Variants in NUP153 observed in about 807,000 individuals in gnomAD.
NUP153 encodes the protein nucleoporin 153, also known as nuclear pore complex protein Nup153.
Under a neutral mutation model 134.6 loss-of-function variants are expected in NUP153, and 27 were observed. The ratio of observed to expected loss-of-function variants is 0.20; its 90% CI spans 0.15 to 0.28. The LOEUF (loss-of-function observed/expected upper bound fraction) is 0.28. Among genes scored for constraint, NUP153 ranks in the 10% least tolerant of loss-of-function variants. NUP153 has a pLI of 1.00. For missense variants in NUP153, 1,821 were observed against 1,731.3 expected (o/e 1.05, Z -0.92); for synonymous variants, 640 against 623.5 (o/e 1.03, Z -0.40).
chr6:17,639,235 G>A (rs1483067210), intron 15 of NUP153, among the ~76,000 whole-genome samples: 3 of 151,830 alleles, frequency 2.0e-5, no homozygotes, highest in Non-Finnish European at 2.9e-5. Flanking sequence ...ATGCCAGGAC[G>A]CCCAGCTAAT....
At position 17,628,217 on chromosome 6, in the gene NUP153, T is replaced by C. The variant is rs207466749; in HGVS notation, c.3544+438A>G. Among the ~76,000 whole-genome samples the C allele has an allele frequency of 2.6e-5, 4 of 152,228 alleles. No individual in the cohort carries two copies. The highest frequency in any genetic ancestry group is 2.4e-5 in the African/African-American group (1 of 41,464). Reference sequence around the variant, plus strand: ...TCTCTTGTTTTCTCAGGATTAATTATATTTGTTGTCTATGTTTCTTAATGT... The same window carrying C: ...TCTCTTGTTTTCTCAGGATTAATTACATTTGTTGTCTATGTTTCTTAATGT... On this transcript the variant is annotated intron_variant, in intron 18 of 21. Transcript: ENST00000262077. The surrounding 1 kb of genome is among the most constrained non-coding windows in gnomAD (Gnocchi z 5.4).
intron 1 of NUP153, among the ~76,000 whole-genome samples, chr6:17,696,477 C>G (rs1204338679): frequency 6.6e-6 from 1 of 152,094 alleles, no homozygotes; most frequent in Non-Finnish European, 1.5e-5. Context: ...AAAACAAGGC[C>G]AGGCACGGTG....
Position 17,668,935 on chromosome 6 carries a change from T to C in NUP153, c.1068+40A>G, listed in dbSNP as rs765968341. On this transcript the variant is annotated intron_variant, in intron 8 of 21. Transcript: ENST00000262077. ...TTGTGAACTTTAAACACAACAAAAT[T>C]GTAGACAGTTTAAATAACTAAATGC... is the stretch of plus-strand genomic sequence containing the variant. 3 of 1,375,378 alleles carry C rather than the reference T, an allele frequency of 2.2e-6. No individual in the cohort carries two copies. In the Admixed American group the frequency reaches 6.5e-5, roughly 30 times the overall value. The allele number at this position is 1,375,378 out of a possible 1,614,324, so 85.2% of individuals were successfully genotyped here.
In NUP153 at chr6:17,680,799, G is replaced by T. The variant is rs1364931751; in HGVS notation, c.335-5029C>A. Among the ~76,000 whole-genome samples the T allele has an allele frequency of 6.6e-6, 1 of 152,196 alleles. No individual in the cohort carries two copies. The highest frequency in any genetic ancestry group is 2.4e-5 in the African/African-American group (1 of 41,444). On this transcript the variant is annotated intron_variant, in intron 2 of 21. Transcript: ENST00000262077. The surrounding 1 kb of genome is among the most constrained non-coding windows in gnomAD (Gnocchi z 4.5). The stretch of plus-strand genomic sequence containing the variant: ...GATGCTGGTGAGGATGTAGAGAAAG[G>T]AGAATCCTTGTACACTGTTGTTGGT...
At chr6:17,683,930 A>G (rs534641570) in intron 2 of NUP153, among the ~76,000 whole-genome samples, 1 of 152,234 alleles carries the variant, frequency 6.6e-6, no homozygotes, top group South Asian at 2.1e-4. Context: ...GGGTCATGGG[A>G]AGTCTTTGGG....
At position 17,624,620 on chromosome 6, in the gene NUP153, G is replaced by C. The variant is rs369260286; in HGVS notation, c.4115C>G (p.Pro1372Arg). ...CTGACTAGGTTGCTGTCCAAACACA[G>C]GGGGCTGGCTACTGCTTGACACTGT... ...FGTVSSSSQPPVFGQQPSQSA... is the reference protein window; with the variant it reads ...FGTVSSSSQPRVFGQQPSQSA... The change falls in exon 20 of 22, where the codon CCT becomes CGT. Residue 1372 changes from proline (P) to arginine (R), a missense_variant. Physicochemically the swap from Pro to Arg is moderately radical, Grantham distance 103. Transcript: ENST00000262077. 4 of 1,614,074 alleles carry C rather than the reference G, an allele frequency of 2.5e-6. No individual in the cohort carries two copies. Among genetic ancestry groups the C allele is most frequent in the Non-Finnish European group, 1.7e-6 (2 of 1,180,036 alleles).
At chr6:17,633,844 C>T (rs1765384377) in intron 16 of NUP153, among the ~76,000 whole-genome samples, 1 of 152,144 alleles carries the variant, frequency 6.6e-6, no homozygotes, top group Non-Finnish European at 1.5e-5. Flanking sequence ...TCCATCTTGC[C>T]AACCAAATTG....
chr6:17,676,125 T>C (rs549769880), intron 2 of NUP153, among the ~76,000 whole-genome samples: 45 of 152,288 alleles, frequency 3.0e-4, no homozygotes, highest in Non-Finnish European at 5.3e-4. Context: ...TCTGAGACCA[T>C]AAAAAATAAG....
At chr6:17,631,201 A>G (rs916856936) in intron 17 of NUP153, among the ~76,000 whole-genome samples, 21 of 152,116 alleles carry the variant, frequency 1.4e-4, no homozygotes, top group Admixed American at 2.6e-4. Context: ...TACACCTACC[A>G]GAGGCAAGTA....
intron 1 of NUP153, among the ~76,000 whole-genome samples, chr6:17,704,291 CAAAA>C (rs377303845): frequency 4.1e-5 from 4 of 96,426 alleles, no homozygotes; most frequent in Admixed American, 1.1e-4. Context: ...GACTCCGTCT[CAAAA>C]AAAAAAAAAA....
intron 17 of NUP153, among the ~76,000 whole-genome samples, chr6:17,630,161 T>G (rs1253627604): frequency 1.3e-5 from 2 of 152,140 alleles, no homozygotes; most frequent in African/African-American, 2.4e-5. Flanking sequence ...AAAGAAACTT[T>G]GAAAGATTTA....
chr6:17,656,925 T>G (rs1561880266), intron 11 of NUP153, among the ~76,000 whole-genome samples: 1 of 152,262 alleles, frequency 6.6e-6, no homozygotes, highest in Middle Eastern at 3.4e-3. Flanking sequence ...CAGACTCTAG[T>G]TGGTCATATT....
intron 14 of NUP153, among the ~76,000 whole-genome samples, chr6:17,640,545 A>T (rs746817982): frequency 6.6e-6 from 1 of 152,246 alleles, no homozygotes; most frequent in Non-Finnish European, 1.5e-5. Context: ...ATGGTAAAAT[A>T]TTAAATAAGG....
In NUP153 at chr6:17,661,817, T is replaced by G. The variant is rs763086883; in HGVS notation, c.1269-38A>C. ...AAGAAAATTAAAACAACTGATATATTATTGTGGTCCATAACTTGTTAACTA... is the reference window on the plus strand; with the variant it reads ...AAGAAAATTAAAACAACTGATATATGATTGTGGTCCATAACTTGTTAACTA... On this transcript the variant is annotated intron_variant, in intron 10 of 21. Coordinates refer to ENST00000262077, the MANE Select transcript of NUP153 (RefSeq NM_005124.4). 6 of 1,589,584 alleles carry G rather than the reference T, an allele frequency of 3.8e-6. No homozygotes were observed. In the South Asian group the frequency reaches 6.8e-5, roughly 18 times the overall value.
chr6:17,677,254 GTTCAAAATTATCA>G (rs1291106833), intron 2 of NUP153, among the ~76,000 whole-genome samples: 4 of 152,100 alleles, frequency 2.6e-5, no homozygotes, highest in African/African-American at 9.7e-5. Context: ...ATCTACAGAA[GTTCAAAATTATCA>G]TTAACTGAAC....
intron 9 of NUP153, among the ~76,000 whole-genome samples, chr6:17,664,313 A>G (rs995836003): frequency 6.6e-6 from 1 of 152,206 alleles, no homozygotes; most frequent in Non-Finnish European, 1.5e-5. Context: ...CTTTATTTAT[A>G]AAGTGTTTTC....
At chr6:17,670,168 C>A (rs948703274) in intron 5 of NUP153, among the ~76,000 whole-genome samples, 2 of 148,988 alleles carry the variant, frequency 1.3e-5, no homozygotes, top group African/African-American at 2.5e-5. Context: ...TACATACTTA[C>A]ACCATTCTGT....
At chr6:17,677,986 A>G (rs1334421876) in intron 2 of NUP153, among the ~76,000 whole-genome samples, 1 of 152,100 alleles carries the variant, frequency 6.6e-6, no homozygotes, top group Non-Finnish European at 1.5e-5. Context: ...TACATTCTTA[A>G]TATCTAGAAG....
chr6:17,676,421 T>C (rs1768224751), intron 2 of NUP153, among the ~76,000 whole-genome samples: 1 of 77,490 alleles, frequency 1.3e-5, no homozygotes. Context: ...CCAAATGTTT[T>C]AAATATTATG....
Sources: allele counts gnomAD v4.1 joint callset (sites outside exome capture counted in the v4.1 genomes callset), GRCh38; gene constraint gnomAD v4.1.1; non-coding constraint Gnocchi (gnomAD v3.1); transcripts MANE v1.5; gene names NCBI Gene and HGNC (gene_info 2026-07-23, HGNC 2026-07-21).